The following TRPM3 variants were observed in gnomAD, a reference collection of about 807,000 sequenced individuals.
TRPM3 encodes the protein transient receptor potential cation channel subfamily M member 3.
Under a neutral mutation model 181.2 loss-of-function variants are expected in TRPM3, and 77 were observed. The observed-to-expected ratio is 0.42, with a 90% CI of 0.35 to 0.51. TRPM3 has a LOEUF of 0.51. Among genes scored for constraint, TRPM3 ranks in the 20% least tolerant of loss-of-function variants. The pLI, the probability that TRPM3 is intolerant of heterozygous loss-of-function variation, is 0.01. For missense variants in TRPM3, 1,759 were observed against 2,196.7 expected (o/e 0.80, Z 3.98); for synonymous variants, 745 against 796.4 (o/e 0.94, Z 1.09).
chr9:70,986,072 G>A (rs1270777903), intron 1 of TRPM3, among the ~76,000 whole-genome samples: 1 of 152,148 alleles, frequency 6.6e-6, no homozygotes, highest in Non-Finnish European at 1.5e-5. Flanking sequence ...GGATATACAT[G>A]TATGTGGCCA....
intron 1 of TRPM3, among the ~76,000 whole-genome samples, chr9:71,030,571 C>CAA (rs34824308): frequency 1.6e-5 from 2 of 124,166 alleles, no homozygotes; most frequent in Admixed American, 8.2e-5. Context: ...GACCCCGTTC[C>CAA]AAAAAAAAAA....
At chr9:71,123,190 A>G (rs571661846), upstream of TRPM3, among the ~76,000 whole-genome samples, 3 of 152,308 alleles carry the variant, frequency 2.0e-5, no homozygotes, top group African/African-American at 7.2e-5. Flanking sequence ...CAGGAATAAA[A>G]CCACTGCCTC....
intron 6 of TRPM3, among the ~76,000 whole-genome samples, chr9:70,802,767 T>C (rs2089490482): frequency 6.6e-6 from 1 of 152,130 alleles, no homozygotes; most frequent in Non-Finnish European, 1.5e-5. Context: ...TTCGACCCTA[T>C]TTTAATAGGG....
At chr9:71,230,300 T>C (rs2080966695) in intron 1 of TRPM3, among the ~76,000 whole-genome samples, 1 of 151,758 alleles carries the variant, frequency 6.6e-6, no homozygotes, top group Admixed American at 6.6e-5. Context: ...AGCAGAAGGA[T>C]GATTACCAGA....
At chr9:70,750,617 C>G (rs373119028) in intron 8 of TRPM3, among the ~76,000 whole-genome samples, 2 of 152,088 alleles carry the variant, frequency 1.3e-5, no homozygotes, top group Non-Finnish European at 2.9e-5. Flanking sequence ...GTAGAGCAGG[C>G]AGATGTGAGA....
chr9:70,941,024 T>A (rs146575287), intron 1 of TRPM3, among the ~76,000 whole-genome samples: 24 of 152,314 alleles, frequency 1.6e-4, no homozygotes, highest in Middle Eastern at 3.4e-3. Flanking sequence ...AATCACTGTG[T>A]GGTGTGGAGG....
chr9:70,926,168 C>T (rs2096719589), intron 1 of TRPM3, among the ~76,000 whole-genome samples: 1 of 152,022 alleles, frequency 6.6e-6, no homozygotes, highest in South Asian at 2.1e-4. Context: ...AGAGGACCTA[C>T]AATAGTTGTC....
rs1398455435 is a variant in TRPM3, at chr9:70,532,305, ACATT to A, written c.*3644_*3647del. The A allele has an allele frequency of 7.2e-5, 11 of 152,216 alleles. No individual in the cohort carries two copies. Among genetic ancestry groups the A allele is most frequent in the Admixed American group, 2.0e-4 (3 of 15,278 alleles). 9.4% of individuals were successfully genotyped at this position (152,216 alleles called of 1,614,324 possible). A position where few individuals can be genotyped will look rare whatever the true frequency, so the allele number is the denominator to read the frequency against. ...AACCATATTTTAGAATACATTTGAAACATTCAGAAGAAACACATTTTGTGTTTTT... is the reference window on the plus strand; with the variant it reads ...AACCATATTTTAGAATACATTTGAAACAGAAGAAACACATTTTGTGTTTTT... On this transcript the variant is annotated 3_prime_UTR_variant, in exon 26 of 26. Coordinates refer to ENST00000677713, the MANE Select transcript of TRPM3 (RefSeq NM_001366145.2).
chr9:71,134,668 A>G (rs2074656188), intron 1 of TRPM3, among the ~76,000 whole-genome samples: 1 of 152,196 alleles, frequency 6.6e-6, no homozygotes, highest in African/African-American at 2.4e-5. Context: ...AATCCTGCAT[A>G]ATTCAATGTG....
intron 1 of TRPM3, among the ~76,000 whole-genome samples, chr9:71,298,756 C>T (rs2086518222): frequency 6.6e-6 from 1 of 152,098 alleles, no homozygotes; most frequent in African/African-American, 2.4e-5. Context: ...CAAAACAGGC[C>T]TCCTTCAGAG....
At chr9:70,892,081 A>C (rs900485435) in intron 1 of TRPM3, among the ~76,000 whole-genome samples, 1 of 152,206 alleles carries the variant, frequency 6.6e-6, no homozygotes, top group Non-Finnish European at 1.5e-5. Flanking sequence ...TTTACGAGGA[A>C]AAAAAGGGAA....
chr9:70,588,871 A>T (rs1302817168), intron 22 of TRPM3, among the ~76,000 whole-genome samples: 1 of 152,236 alleles, frequency 6.6e-6, no homozygotes, highest in Non-Finnish European at 1.5e-5. Flanking sequence ...ACCTTGGCCA[A>T]ATGTCATGAC....
At chr9:71,288,900 C>T (rs1055572982) in intron 1 of TRPM3, among the ~76,000 whole-genome samples, 5 of 152,036 alleles carry the variant, frequency 3.3e-5, no homozygotes, top group African/African-American at 1.2e-4. Context: ...GCATGCATAT[C>T]TCCTTGGTTT....
chr9:71,397,820 A>G (rs2093237633), intron 1 of TRPM3, among the ~76,000 whole-genome samples: 2 of 152,202 alleles, frequency 1.3e-5, no homozygotes, highest in Admixed American at 1.3e-4. Context: ...TATTGGGTAC[A>G]TGCAAACCTC....
At chr9:71,091,182 C>A (rs2066152100) in intron 1 of TRPM3, among the ~76,000 whole-genome samples, 1 of 152,062 alleles carries the variant, frequency 6.6e-6, no homozygotes, top group Non-Finnish European at 1.5e-5. Context: ...ACATTTTATT[C>A]TTTGGTATGC....
At chr9:70,972,215 G>A (rs1394583476) in intron 1 of TRPM3, among the ~76,000 whole-genome samples, 1 of 152,110 alleles carries the variant, frequency 6.6e-6, no homozygotes. Flanking sequence ...ACAATACAAC[G>A]AAATATTATT....
chr9:70,626,741 T>G (rs554637300), intron 12 of TRPM3, among the ~76,000 whole-genome samples: 54 of 152,334 alleles, frequency 3.5e-4, no homozygotes, highest in Non-Finnish European at 5.7e-4. Context: ...TGTCAAAAGT[T>G]AATTGCTTTC....
chr9:70,625,248 G>A lies in TRPM3; in HGVS notation c.1752C>T (p.Cys584=). Residue 584 remains cysteine, a synonymous_variant, in exon 14 of 26, where the codon TGC becomes TGT. Transcript: ENST00000677713. The surrounding 1 kb of genome is among the most constrained non-coding windows in gnomAD (Gnocchi z 4.8). ...TCCGGAAGCGCTTGCGCGTGTAGTT[G>A]CAGCGATAAGCCCCGCCCATCAGGT... ...IEYLMGGAYR[C]NYTRKRFRTL... The A allele has an allele frequency of 6.2e-7, 1 of 1,614,130 alleles. No homozygotes were observed. The highest frequency in any genetic ancestry group is 8.5e-7 in the Non-Finnish European group (1 of 1,180,018).
intron 1 of TRPM3, among the ~76,000 whole-genome samples, chr9:71,096,586 A>ACTCTCTCTCTCTCTCTCT (rs1410846317): frequency 4.0e-5 from 4 of 100,184 alleles, no homozygotes; most frequent in South Asian, 3.7e-4. Flanking sequence ...ACACACACAC[A>ACTCTCTCTCTCTCTCTCT]CACACTCTCT....
Sources: allele counts gnomAD v4.1 joint callset (sites outside exome capture counted in the v4.1 genomes callset), GRCh38; gene constraint gnomAD v4.1.1; non-coding constraint Gnocchi (gnomAD v3.1); transcripts MANE v1.5; gene names NCBI Gene and HGNC (gene_info 2026-07-23, HGNC 2026-07-21).